Variants in PTDSS1 observed in about 807,000 individuals in gnomAD.
The protein encoded by PTDSS1 is PSS-1.
Under a neutral mutation model 70.5 loss-of-function variants are expected in PTDSS1, and 45 were observed. The observed-to-expected ratio is 0.64, with a 90% CI of 0.50 to 0.82. PTDSS1 has a LOEUF of 0.82. Among genes scored for constraint, PTDSS1 ranks in the 40% least tolerant of loss-of-function variants. The pLI is 0.00. For synonymous variants in PTDSS1, 188 were observed against 203.8 expected, an observed-to-expected ratio of 0.92 and a Z score of 0.66; for missense variants, 417 against 586.1, an observed-to-expected ratio of 0.71 and a Z score of 2.98.
intron 2 of PTDSS1, among the ~76,000 whole-genome samples, chr8:96,282,221 G>T (rs1227519969): frequency 6.6e-6 from 1 of 152,176 alleles, no homozygotes; most frequent in African/African-American, 2.4e-5. Flanking sequence ...CAAGTCAAGA[G>T]CTATCGCCTA....
intron 5 of PTDSS1, among the ~76,000 whole-genome samples, chr8:96,298,767 G>C (rs1279442164): frequency 1.3e-5 from 2 of 152,018 alleles, no homozygotes; most frequent in African/African-American, 4.8e-5. Flanking sequence ...TATGGTTCTG[G>C]TTATCTGGAT....
intron 2 of PTDSS1, among the ~76,000 whole-genome samples, chr8:96,280,295 G>A (rs1810716751): frequency 1.3e-5 from 2 of 152,182 alleles, no homozygotes; most frequent in Non-Finnish European, 2.9e-5. Flanking sequence ...GCGGAGGTGG[G>A]CGGATCACTC....
intron 4 of PTDSS1, among the ~76,000 whole-genome samples, chr8:96,294,797 T>C (rs1277482154): frequency 6.6e-6 from 1 of 152,240 alleles, no homozygotes; most frequent in African/African-American, 2.4e-5. Context: ...TGCCCTGTGG[T>C]CTGATGACAT....
chr8:96,290,558 G>A lies in PTDSS1; in HGVS notation c.441+3412G>A, dbSNP rs142156178. Among the ~76,000 whole-genome samples, 3 of 152,314 alleles carry A rather than the reference G, an allele frequency of 2.0e-5. No individual in the cohort carries two copies. In the East Asian group the frequency reaches 5.8e-4, roughly 29 times the overall value. ...TTGCCAAAGTAAAGCACGAGGCTGTGTTCAGCCTGTAGAGTTCTAACTGGT... is the reference window on the plus strand; with the variant it reads ...TTGCCAAAGTAAAGCACGAGGCTGTATTCAGCCTGTAGAGTTCTAACTGGT... On this transcript the variant is annotated intron_variant, in intron 4 of 12. Transcript: ENST00000517309.
At chr8:96,292,535 G>C (rs1810922645) in intron 4 of PTDSS1, among the ~76,000 whole-genome samples, 1 of 152,146 alleles carries the variant, frequency 6.6e-6, no homozygotes, top group African/African-American at 2.4e-5. Context: ...CTGAGGCTAG[G>C]AGGCTGCCAG....
chr8:96,334,050 T>G lies in PTDSS1; in HGVS notation c.*484T>G, dbSNP rs1420290546. ...CTGTCTTTTATTTGGTTACTGTTGT[T>G]ATTTGTTTTTAAGTTAGGATGCTTT... is the stretch of plus-strand genomic sequence containing the variant. On this transcript the variant is annotated 3_prime_UTR_variant, in exon 13 of 13. Coordinates refer to ENST00000517309, the MANE Select transcript of PTDSS1 (RefSeq NM_014754.3). 4.8e-6 allele frequency: 2 copies of G among 418,032 alleles called. No individual in the cohort carries two copies. Among genetic ancestry groups the G allele is most frequent in the African/African-American group, 4.1e-5 (2 of 48,662 alleles). The allele number at this position is 418,032 out of a possible 1,614,324, so 25.9% of individuals were successfully genotyped here.
chr8:96,299,651 A>C, intron 5 of PTDSS1, 43 bp from the exon 6 acceptor site: 1 of 1,553,302 alleles, frequency 6.4e-7, no homozygotes, highest in African/African-American at 1.4e-5. Flanking sequence ...ATGGTACCCC[A>C]GTTTTGTTTA....
intron 3 of PTDSS1, among the ~76,000 whole-genome samples, chr8:96,285,821 T>C (rs923953675): frequency 6.6e-6 from 1 of 152,204 alleles, no homozygotes; most frequent in Non-Finnish European, 1.5e-5. Flanking sequence ...AGATTCTTTC[T>C]GTCCTAATGT....
At chr8:96,308,102 G>T (rs1203037702) in intron 8 of PTDSS1, among the ~76,000 whole-genome samples, 1 of 152,182 alleles carries the variant, frequency 6.6e-6, no homozygotes, top group Non-Finnish European at 1.5e-5. Context: ...GTTAGGTCCC[G>T]AGAGGAGAGA....
At chr8:96,307,828 AT>A (rs1389612424) in intron 8 of PTDSS1, among the ~76,000 whole-genome samples, 1 of 152,236 alleles carries the variant, frequency 6.6e-6, no homozygotes, top group Non-Finnish European at 1.5e-5. Flanking sequence ...ATCGTATATG[AT>A]TTATCATGAA....
At chr8:96,265,171 AC>A (rs2129981601) in intron 1 of PTDSS1, among the ~76,000 whole-genome samples, 1 of 152,346 alleles carries the variant, frequency 6.6e-6, no homozygotes, top group South Asian at 2.1e-4. Flanking sequence ...TTTTAGTTGG[AC>A]AATTGTTCAG....
Position 96,262,289 on chromosome 8 carries a change from G to GGGGT in PTDSS1, c.179+70_179+71insGGGT. On this transcript the variant is annotated intron_variant, in intron 1 of 12. Coordinates refer to ENST00000517309, the MANE Select transcript of PTDSS1 (RefSeq NM_014754.3). The surrounding 1 kb of genome is among the most constrained non-coding windows in gnomAD (Gnocchi z 4.4). Reference sequence around the variant, plus strand: ...AAGAGGCGGGAGGGAGGGTGGCGGGGAGGGGGGCCCGGCATGGCTCTGGGT... The same window carrying GGGGT: ...AAGAGGCGGGAGGGAGGGTGGCGGGGGGGTAGGGGGGCCCGGCATGGCTCTGGGT... 4.7e-6 allele frequency: 5 copies of GGGGT among 1,070,676 alleles called. No individual in the cohort carries two copies. Among genetic ancestry groups the GGGGT allele is most frequent in the Non-Finnish European group, 6.8e-6 (5 of 734,662 alleles). 66.3% of individuals were successfully genotyped at this position (1,070,676 alleles called of 1,614,324 possible).
chr8:96,287,369 T>G (rs73271853), intron 4 of PTDSS1: 5,357 of 530,830 alleles, frequency 0.01, 222 homozygotes, highest in African/African-American at 0.091. Flanking sequence ...TGAGGAAGAA[T>G]GCACACTTTA....
chr8:96,298,605 G>A (rs544478825), intron 5 of PTDSS1, among the ~76,000 whole-genome samples: 5 of 152,010 alleles, frequency 3.3e-5, no homozygotes, highest in Non-Finnish European at 7.4e-5. Context: ...TGTCCTTAAC[G>A]TTCCCCCTCC....
At chr8:96,303,962 C>G (rs1051046974) in intron 6 of PTDSS1, 78 bp from the exon 7 acceptor site, 46 of 1,432,782 alleles carry the variant, frequency 3.2e-5, no homozygotes, top group Non-Finnish European at 2.4e-5. Context: ...ATCATCAGTG[C>G]ACAGGATTTT....
At chr8:96,263,649 A>C (rs1810446306) in intron 1 of PTDSS1, among the ~76,000 whole-genome samples, 1 of 152,248 alleles carries the variant, frequency 6.6e-6, no homozygotes, top group Admixed American at 6.5e-5. Flanking sequence ...GGTCAGCAGA[A>C]CATGTGTAGG....
chr8:96,316,097 T>C (rs1165099856), intron 9 of PTDSS1, among the ~76,000 whole-genome samples: 1 of 152,118 alleles, frequency 6.6e-6, no homozygotes, highest in Non-Finnish European at 1.5e-5. Flanking sequence ...CCAGAGGTAA[T>C]GGTGGGGGCG....
At chr8:96,272,371 C>T (rs1042861798) in intron 1 of PTDSS1, among the ~76,000 whole-genome samples, 1 of 152,110 alleles carries the variant, frequency 6.6e-6, no homozygotes, top group Non-Finnish European at 1.5e-5. Context: ...GTATGAGTTA[C>T]AGAATGAACC....
At chr8:96,306,708 G>T (rs1053050837) in intron 8 of PTDSS1, 152 bp downstream of exon 8, 3 of 649,744 alleles carry the variant, frequency 4.6e-6, no homozygotes, top group Non-Finnish European at 8.1e-6. Flanking sequence ...AAAATGTTTT[G>T]TTCTCAGATG....
Sources: gnomAD v4.1 joint callset for allele counts (sites outside exome capture counted in the v4.1 genomes callset) on GRCh38, gnomAD v4.1.1 for gene constraint, Gnocchi (gnomAD v3.1) non-coding constraint, MANE v1.5 for transcripts, NCBI Gene and HGNC (gene_info 2026-07-23, HGNC 2026-07-21) for gene names.